The following MRPL19 variants were observed in gnomAD, a reference collection of about 807,000 sequenced individuals.
MRPL19 encodes the protein large ribosomal subunit protein bL19m.
A neutral mutation model predicts 34.0 loss-of-function variants in MRPL19; 31 were observed. The observed-to-expected ratio is 0.91, with a 90% CI of 0.68 to 1.23. MRPL19 has a LOEUF of 1.23. Among genes scored for constraint, MRPL19 ranks in the 50% most tolerant of loss-of-function variants. The pLI is 0.00. For synonymous variants in MRPL19, 152 were observed against 127.7 expected, an observed-to-expected ratio of 1.19 and a Z score of -1.28; for missense variants, 384 against 367.6, an observed-to-expected ratio of 1.04 and a Z score of -0.37.
intron 2 of MRPL19, among the ~76,000 whole-genome samples, chr2:75,649,879 C>T (rs938979867): frequency 2.0e-5 from 3 of 152,260 alleles, no homozygotes; most frequent in South Asian, 4.2e-4. Context: ...ACGATCTACC[C>T]TCCTCGGCCT....
At chr2:75,653,302 ATTCTGTAAT>A (rs1427516109) in intron 4 of MRPL19, among the ~76,000 whole-genome samples, 30 of 152,236 alleles carry the variant, frequency 2.0e-4, no homozygotes, top group African/African-American at 7.2e-4. Context: ...TGTCTTGCTT[ATTCTGTAAT>A]GACAGTGGGC....
intron 2 of MRPL19, among the ~76,000 whole-genome samples, chr2:75,649,717 C>T (rs1347497274): frequency 6.6e-6 from 1 of 152,084 alleles, no homozygotes; most frequent in Non-Finnish European, 1.5e-5. Flanking sequence ...CTTGGCTCTG[C>T]AACTCCTACT....
At chr2:75,651,042 G>A (rs1678321537) in intron 2 of MRPL19, among the ~76,000 whole-genome samples, 1 of 152,158 alleles carries the variant, frequency 6.6e-6, no homozygotes, top group South Asian at 2.1e-4. Context: ...CTCTTACTGT[G>A]CCTAAGAGAA....
Position 75,646,803 on chromosome 2 carries a change from C to G in MRPL19, c.-5C>G. 6.6e-7 allele frequency: 1 copy of G among 1,510,800 alleles called. No homozygotes were observed. The highest frequency in any genetic ancestry group is 8.9e-7 in the Non-Finnish European group (1 of 1,128,020). 93.6% of individuals were successfully genotyped at this position (1,510,800 alleles called of 1,614,324 possible). A position where few individuals can be genotyped will look rare whatever the true frequency, so the allele number is the denominator to read the frequency against. On this transcript the variant is annotated 5_prime_UTR_variant, in exon 1 of 6. Transcript: ENST00000393909. Reference sequence around the variant, plus strand: ...GAGCTGTAGTCTTGACGTGAGCTAGCTGGCATGGCGGCCTGCATTGCAGCG... The same window carrying G: ...GAGCTGTAGTCTTGACGTGAGCTAGGTGGCATGGCGGCCTGCATTGCAGCG...
chr2:75,657,158 T>C lies in MRPL19; in HGVS notation c.*1873T>C, dbSNP rs1456026362. ...TTCTGTATTTATTTTTTGTTGTCTA[T>C]ATTTCAGACTTTTCCAGGATATCTG... is the stretch of plus-strand genomic sequence containing the variant. On this transcript the variant is annotated 3_prime_UTR_variant, in exon 6 of 6. Transcript: ENST00000393909. The C allele has an allele frequency of 6.6e-6, 1 of 152,180 alleles. No individual in the cohort carries two copies. Among genetic ancestry groups the C allele is most frequent in the Admixed American group, 6.5e-5 (1 of 15,268 alleles). The allele number at this position is 152,180 out of a possible 1,614,324, so 9.4% of individuals were successfully genotyped here. A position where few individuals can be genotyped will look rare whatever the true frequency, so the allele number is the denominator to read the frequency against.
At chr2:75,647,928 C>A (rs115513706) in intron 2 of MRPL19, among the ~76,000 whole-genome samples, 4 of 152,132 alleles carry the variant, frequency 2.6e-5, no homozygotes, top group African/African-American at 9.6e-5. Context: ...CTCTCAGTCT[C>A]CCAGGCTGGA....
Position 75,661,872 on chromosome 2 carries a change from CTA to C in MRPL19, c.*6589_*6590del, listed in dbSNP as rs1216103158. 1.3e-5 allele frequency: 2 copies of C among 152,162 alleles called. No individual in the cohort carries two copies. Among genetic ancestry groups the C allele is most frequent in the East Asian group, 3.9e-4 (2 of 5,178 alleles). The allele number at this position is 152,162 out of a possible 1,614,324, so 9.4% of individuals were successfully genotyped here. On this transcript the variant is annotated 3_prime_UTR_variant, in exon 6 of 6. Coordinates refer to ENST00000393909, the MANE Select transcript of MRPL19 (RefSeq NM_014763.4). ...TCTTTTATCTTGACTGATTGTATGA[CTA>C]TGTCTTCTAGAACAATGTTGAACAG...
chr2:75,647,415 G>A (rs1486561771), intron 2 of MRPL19, 196 bp downstream of exon 2: 2 of 561,310 alleles, frequency 3.6e-6, no homozygotes, highest in Non-Finnish European at 6.2e-6. Context: ...CTTCTTTGCA[G>A]TTTTATTGAG....
intron 2 of MRPL19, among the ~76,000 whole-genome samples, chr2:75,648,513 G>T (rs1229805374): frequency 6.6e-6 from 1 of 152,090 alleles, no homozygotes; most frequent in Non-Finnish European, 1.5e-5. Context: ...AAATCTGTGT[G>T]TAAAAAAAAC....
intron 2 of MRPL19, among the ~76,000 whole-genome samples, chr2:75,648,794 A>C (rs1475786434): frequency 6.6e-6 from 1 of 152,150 alleles, no homozygotes; most frequent in African/African-American, 2.4e-5. Flanking sequence ...GCTTGAACAC[A>C]GGATGCCGAG....
Position 75,661,991 on chromosome 2 carries a change from T to C in MRPL19, c.*6706T>C, listed in dbSNP as rs997051966. 9.9e-5 allele frequency: 15 copies of C among 152,262 alleles called. No individual in the cohort carries two copies. Among genetic ancestry groups the C allele is most frequent in the African/African-American group, 3.1e-4 (13 of 41,584 alleles). The allele number at this position is 152,262 out of a possible 1,614,324, so 9.4% of individuals were successfully genotyped here. Reference sequence around the variant, plus strand: ...TTCTCACAGATGCCTTTTATCAGATTGAGGAATTTATATTCCTACTTTGCC... The same window carrying C: ...TTCTCACAGATGCCTTTTATCAGATCGAGGAATTTATATTCCTACTTTGCC... On this transcript the variant is annotated 3_prime_UTR_variant, in exon 6 of 6. Coordinates refer to ENST00000393909, the MANE Select transcript of MRPL19 (RefSeq NM_014763.4).
chr2:75,650,100 T>A (rs1158394272), intron 2 of MRPL19, among the ~76,000 whole-genome samples: 1 of 152,116 alleles, frequency 6.6e-6, no homozygotes, highest in African/African-American at 2.4e-5. Context: ...GAGAAAGAAA[T>A]TCATGGGAAT....
chr2:75,651,602 T>C, intron 2 of MRPL19: 2 of 391,270 alleles, frequency 5.1e-6, no homozygotes, highest in Admixed American at 3.1e-5. Context: ...ATGCCCCAGG[T>C]CCTTCAGCAC....
chr2:75,659,797 A>G lies in MRPL19; in HGVS notation c.*4512A>G, dbSNP rs920278622. On this transcript the variant is annotated 3_prime_UTR_variant, in exon 6 of 6. Coordinates refer to ENST00000393909, the MANE Select transcript of MRPL19 (RefSeq NM_014763.4). ...TCAGTTCTGTCTTATTGCTTTTCGG[A>G]TTTGCTCAGCTTTTGTCTTTTGACA... 1.3e-5 allele frequency among the ~76,000 whole-genome samples: 2 copies of G among 151,838 alleles called. No homozygotes were observed. Among genetic ancestry groups the G allele is most frequent in the African/African-American group, 4.8e-5 (2 of 41,324 alleles).
chr2:75,652,489 G>A (rs1678353682), intron 3 of MRPL19, 34 bp from the exon 4 acceptor site: 2 of 1,600,402 alleles, frequency 1.2e-6, no homozygotes, highest in Non-Finnish European at 1.7e-6. Flanking sequence ...TGGGTGTGCT[G>A]AAAAAAAAGT....
chr2:75,659,171 T>A lies in MRPL19; in HGVS notation c.*3886T>A, dbSNP rs1014774949. 3.3e-5 allele frequency among the ~76,000 whole-genome samples: 5 copies of A among 152,094 alleles called. No homozygotes were observed. Among genetic ancestry groups the A allele is most frequent in the Non-Finnish European group, 7.4e-5 (5 of 68,000 alleles). ...TTCCACTCCCCTTTGTGTATATTTG[T>A]TAGATGTTTTATTTGTGGTTGCTAT... On this transcript the variant is annotated 3_prime_UTR_variant, in exon 6 of 6. Transcript: ENST00000393909.
chr2:75,651,735 G>C, intron 2 of MRPL19: 1 of 264,572 alleles, frequency 3.8e-6, no homozygotes, highest in Admixed American at 4.7e-5. Flanking sequence ...TCAGTGTGAG[G>C]CCTGTAGTAA....
At chr2:75,653,344 G>A (rs77037102) in intron 4 of MRPL19, among the ~76,000 whole-genome samples, 1,984 of 152,318 alleles carry the variant, frequency 0.013, 45 homozygotes, top group African/African-American at 0.045. Flanking sequence ...AATTCAGCAG[G>A]ACTTAATTGA....
chr2:75,646,885 C>T lies in MRPL19; in HGVS notation c.78C>T (p.Leu26=), dbSNP rs1288933444. The part of the protein sequence containing the change: ...GRSFQAARTL[L]PPPASIACRV... ...GTTTCCAAGCCGCCAGGACTCTGCT[C>T]CCCCCGCCGGCCTCTATCGCCTGCA... The change falls in exon 1 of 6, where the codon CTC becomes CTT. Residue 26 remains leucine (L), a synonymous_variant. Coordinates refer to ENST00000393909, the MANE Select transcript of MRPL19 (RefSeq NM_014763.4). The T allele has an allele frequency of 3.1e-6, 5 of 1,593,404 alleles. No individual in the cohort carries two copies. The East Asian group carries it at 1.1e-4, about 36-fold the overall frequency.
Sources: allele counts gnomAD v4.1 joint callset (sites outside exome capture counted in the v4.1 genomes callset), GRCh38; gene constraint gnomAD v4.1.1; transcripts MANE v1.5; gene names NCBI Gene and HGNC (gene_info 2026-07-23, HGNC 2026-07-21).